PARP3: variants seen among roughly 807,000 people sequenced by gnomAD.
PARP3 encodes the protein poly(ADP-ribose) polymerase family member 3, also known as protein mono-ADP-ribosyltransferase PARP3.
PARP3 carries 46 observed loss-of-function variants against 58.2 expected under a neutral mutation model. The ratio of observed to expected loss-of-function variants is 0.79; its 90% confidence interval spans 0.62 to 1.01. The LOEUF (loss-of-function observed/expected upper bound fraction) is 1.01. PARP3 is among the 50% of genes least tolerant of loss of function. The pLI, the probability that PARP3 is intolerant of heterozygous loss-of-function variation, is 0.00. For missense variants in PARP3, 663 were observed against 683.9 expected (o/e 0.97, Z 0.34); for synonymous variants, 252 against 266.4 (o/e 0.95, Z 0.53).
chr3:51,945,832 C>T, intron 7 of PARP3, 21 bp from the exon 8 acceptor site: 2 of 1,608,708 alleles, frequency 1.2e-6, no homozygotes, highest in Non-Finnish European at 1.7e-6. Context: ...CCCTGGCAAC[C>T]AGCTTCTGCT....
chr3:51,944,571 T>C lies in PARP3; in HGVS notation c.494T>C (p.Val165Ala). The C allele has an allele frequency of 6.2e-7, 1 of 1,613,972 alleles. No individual in the cohort carries two copies. Among genetic ancestry groups the C allele is most frequent in the East Asian group, 2.2e-5 (1 of 44,880 alleles). Residue 165 changes from valine (V) to alanine (A), a missense_variant, in exon 4 of 11, where the codon GTG becomes GCG. Transcript: ENST00000398755. This position sits in a 1 kb window ranked among gnomAD's most constrained non-coding sequence, Gnocchi z 4.2. ...VQAEDEAQEA[V>A]VKVDRGPVRT... is the part of the protein sequence containing the mutation. Reference sequence around the variant, plus strand: ...GCAGAGGATGAGGCCCAGGAAGCTGTGGTGAAGGTGAGATGGCCAAGGAAG... The same window carrying C: ...GCAGAGGATGAGGCCCAGGAAGCTGCGGTGAAGGTGAGATGGCCAAGGAAG...
chr3:51,945,506 C>T lies in PARP3; in HGVS notation c.873C>T (p.Asp291=), dbSNP rs370705194. The change falls in exon 7 of 11, where the codon GAC becomes GAT. Residue 291 remains aspartate (D), a synonymous_variant. Coordinates refer to ENST00000398755, the MANE Select transcript of PARP3 (RefSeq NM_001003931.4). ...GCCCATCATCCTAGGTGCTGGCGGA[C>T]ATCGAGCTGGCCCAGGCCCTGCAGG... ...AKKDMLLVLA[D]IELAQALQAV... 33 of 1,613,414 alleles carry T rather than the reference C, an allele frequency of 2.0e-5. No homozygotes were observed. The highest frequency in any genetic ancestry group is 2.6e-5 in the Non-Finnish European group (31 of 1,179,820).
chr3:51,948,420 G>C lies in PARP3; in HGVS notation c.1542G>C (p.Glu514Asp). 6.2e-7 allele frequency: 1 copy of C among 1,614,188 alleles called. No individual in the cohort carries two copies. Among genetic ancestry groups the C allele is most frequent in the African/African-American group, 1.3e-5 (1 of 75,064 alleles). Reference sequence around the variant, plus strand: ...GCAGCTCCACATTCTCCCAGAGCGAGTACCTCATCTACCAGGAGAGCCAGT... The same window carrying C: ...GCAGCTCCACATTCTCCCAGAGCGACTACCTCATCTACCAGGAGAGCCAGT... ...EFSSSTFSQS[E>D]YLIYQESQCR... Residue 514 changes from glutamate to aspartate, a missense_variant, in exon 11 of 11, where the codon GAG (glutamate) becomes GAC (aspartate). This residue lies in a region of PARP3 where 88 missense variants were observed against 109.1 expected (regional missense o/e 0.81). Transcript: ENST00000398755.
At chr3:51,942,941 G>T in intron 1 of PARP3, 2 of 1,412,170 alleles carry the variant, frequency 1.4e-6, no homozygotes, top group Non-Finnish European at 1.8e-6. Context: ...TCGGTGACTC[G>T]GCCCGGCAAC....
Position 51,948,443 on chromosome 3 carries a change from AGT to A in PARP3, c.1568_1569del (p.Cys523SerfsTer61). On this transcript the variant is annotated frameshift_variant, in exon 11 of 11. Coordinates refer to ENST00000398755, the MANE Select transcript of PARP3 (RefSeq NM_001003931.4). LOFTEE classifies it high-confidence loss of function. ...GAGTACCTCATCTACCAGGAGAGCC[AGT>A]GTCGCCTGCGCTACCTGCTGGAGGT... 6.2e-7 allele frequency: 1 copy of A among 1,614,164 alleles called. No individual in the cohort carries two copies.
In PARP3 at chr3:51,945,045, C is replaced by A. The variant is rs564192189; in HGVS notation, c.682C>A (p.Arg228=). 2 of 1,614,034 alleles carry A rather than the reference C, an allele frequency of 1.2e-6. No individual in the cohort carries two copies. The highest frequency in any genetic ancestry group is 1.7e-5 in the Admixed American group (1 of 60,028). Residue 228 remains arginine (R), a synonymous_variant, in exon 6 of 11, where the codon CGG becomes AGG. Coordinates refer to ENST00000398755, the MANE Select transcript of PARP3 (RefSeq NM_001003931.4). The stretch of plus-strand genomic sequence containing the variant: ...AAAGCTGAGCAAGCAACAGATTGCA[C>A]GGGGTTTCGAGGCCTTGGAGGCGCT... ...LGKLSKQQIA[R]GFEALEALEE...
At chr3:51,948,283 C>G (rs759501034) in intron 10 of PARP3, 28 bp from the exon 11 acceptor site, 32 of 1,599,454 alleles carry the variant, frequency 2.0e-5, no homozygotes, top group Non-Finnish European at 2.5e-5. Context: ...GACCCCTGGG[C>G]CACCCTGGCC....
Position 51,948,633 on chromosome 3 carries a change from T to TAGGCCTCC in PARP3, c.*154_*155insGGCCTCCA. ...CCATGCTGTACAAGATCCCTGAACT[T>TAGGCCTCC]ATGCCTCCTAACTGAAATTTTGTAT... On this transcript the variant is annotated 3_prime_UTR_variant, in exon 11 of 11. Transcript: ENST00000398755. 1.5e-6 allele frequency: 1 copy of TAGGCCTCC among 675,954 alleles called. No homozygotes were observed. The allele number at this position is 675,954 out of a possible 1,614,324, so 41.9% of individuals were successfully genotyped here.
In PARP3 at chr3:51,942,722, G is replaced by T; in HGVS notation, c.-3+14G>T. 1 of 1,556,062 alleles carries T rather than the reference G, an allele frequency of 6.4e-7. No individual in the cohort carries two copies. The highest frequency in any genetic ancestry group is 1.2e-5 in the South Asian group (1 of 84,300). On this transcript the variant is annotated intron_variant, in intron 1 of 10. Coordinates refer to ENST00000398755, the MANE Select transcript of PARP3 (RefSeq NM_001003931.4). Reference sequence around the variant, plus strand: ...TGCTTTTCTTGGGTGAGTGTCCTATGGTCCTGCCCACGGCAGGGCAGGGCA... The same window carrying T: ...TGCTTTTCTTGGGTGAGTGTCCTATTGTCCTGCCCACGGCAGGGCAGGGCA...
Position 51,944,180 on chromosome 3 carries a change from A to T in PARP3, c.275A>T (p.Asn92Ile). The T allele has an allele frequency of 6.2e-7, 1 of 1,613,960 alleles. No homozygotes were observed. The highest frequency in any genetic ancestry group is 1.3e-5 in the African/African-American group (1 of 74,976). The change falls in exon 3 of 11, where the codon AAC (asparagine) becomes ATC (isoleucine). Residue 92 changes from asparagine to isoleucine, a missense_variant. Physicochemically the swap from Asn to Ile is moderately radical, Grantham distance 149. Around this residue, in one of 3 missense-constraint regions of PARP3, gnomAD observed 567 missense variants for 553.6 expected, o/e 1.02. Transcript: ENST00000398755. The surrounding 1 kb of genome is among the most constrained non-coding windows in gnomAD (Gnocchi z 4.2). ...ATCATCCAGCTGCTCCAAGACAGCA[A>T]CCGCTTCTTCACCTGCTGGAACCGC... ...FYIIQLLQDSNRFFTCWNRWG... is the reference protein window; with the variant it reads ...FYIIQLLQDSIRFFTCWNRWG...
At position 51,942,382 on chromosome 3, in the gene PARP3, C is replaced by A. The variant is rs1275483296; in HGVS notation, c.-329C>A. On this transcript the variant is annotated 5_prime_UTR_variant, in exon 1 of 11. Transcript: ENST00000398755. ...AAGGTCACCGCGCGACCGGCAGATG[C>A]GTGCTGCAGGCCCCGGCCACATGAG... 1.9e-6 allele frequency: 1 copy of A among 536,186 alleles called. No individual in the cohort carries two copies. Among genetic ancestry groups the A allele is most frequent in the Non-Finnish European group, 3.4e-6 (1 of 296,208 alleles). 33.2% of individuals were successfully genotyped at this position (536,186 alleles called of 1,614,324 possible). A position where few individuals can be genotyped will look rare whatever the true frequency, so the allele number is the denominator to read the frequency against.
intron 9 of PARP3, among the ~76,000 whole-genome samples, chr3:51,947,204 C>G (rs1350908272): frequency 3.9e-5 from 6 of 152,142 alleles, no homozygotes; most frequent in Non-Finnish European, 1.5e-5. Context: ...CAAAATGACC[C>G]CCCCAGACCA....
At chr3:51,943,130 A>G in intron 1 of PARP3, 2 of 1,060,186 alleles carry the variant, frequency 1.9e-6, no homozygotes, top group East Asian at 2.7e-5. Flanking sequence ...TGCACTTGGG[A>G]CTGGGGAAAG....
At position 51,946,221 on chromosome 3, in the gene PARP3, GC is replaced by G; in HGVS notation, c.1155del (p.Thr386ProfsTer44). The G allele has an allele frequency of 1.2e-6, 2 of 1,613,444 alleles. No individual in the cohort carries two copies. Among genetic ancestry groups the G allele is most frequent in the Non-Finnish European group, 1.7e-6 (2 of 1,179,602 alleles). On this transcript the variant is annotated frameshift_variant, in exon 9 of 11. Transcript: ENST00000398755. LOFTEE classifies it high-confidence loss of function. This position sits in a 1 kb window ranked among gnomAD's most constrained non-coding sequence, Gnocchi z 4.6. ...GGTAATCGGAAGCTGCTGTGGCATG[GC>G]ACCAACATGGCCGTGGTGGCCGCCA... ...KLGNRKLLWHGTNMAVVAAIL... is the reference protein window; with the variant it reads ...KLGNRKLLWHXTNMAVVAAIL...
Position 51,945,203 on chromosome 3 carries a change from G to A in PARP3, c.840G>A (p.Gln280=), listed in dbSNP as rs373954134. 6.8e-6 allele frequency: 11 copies of A among 1,613,900 alleles called. No homozygotes were observed. Among genetic ancestry groups the A allele is most frequent in the Non-Finnish European group, 9.3e-6 (11 of 1,180,008 alleles). The change falls in exon 6 of 11, where the codon CAG becomes CAA. Residue 280 remains glutamine (Q), a synonymous_variant. Transcript: ENST00000398755. ...CCATCAATTCCCCTGAGCTTCTGCAGGCCAAGAAGGACATGCTGCTGGTGA... is the reference window on the plus strand; with the variant it reads ...CCATCAATTCCCCTGAGCTTCTGCAAGCCAAGAAGGACATGCTGCTGGTGA... ...PPPINSPELL[Q]AKKDMLLVLA...
chr3:51,944,600 G>A lies in PARP3; in HGVS notation c.501+22G>A. The A allele has an allele frequency of 2.5e-6, 4 of 1,612,658 alleles. No individual in the cohort carries two copies. Among genetic ancestry groups the A allele is most frequent in the Non-Finnish European group, 3.4e-6 (4 of 1,178,876 alleles). Reference sequence around the variant, plus strand: ...GAAGGTGAGATGGCCAAGGAAGGTGGGCAGGCCCTGGACTGAGGGAGGGGA... The same window carrying A: ...GAAGGTGAGATGGCCAAGGAAGGTGAGCAGGCCCTGGACTGAGGGAGGGGA... On this transcript the variant is annotated intron_variant, in intron 4 of 10. Coordinates refer to ENST00000398755, the MANE Select transcript of PARP3 (RefSeq NM_001003931.4). This position sits in a 1 kb window ranked among gnomAD's most constrained non-coding sequence, Gnocchi z 4.2.
rs1001632740 is a variant in PARP3, at chr3:51,948,810, T to C, written c.*330T>C. On this transcript the variant is annotated 3_prime_UTR_variant, in exon 11 of 11. Transcript: ENST00000398755. ...TGTGCCTGGCTTATTTCACTCAGCA[T>C]AATGTGCACCGGGTTCACCCATGTT... 2 of 311,442 alleles carry C rather than the reference T, an allele frequency of 6.4e-6. No homozygotes were observed. Among genetic ancestry groups the C allele is most frequent in the Admixed American group, 9.6e-5 (2 of 20,762 alleles). 19.3% of individuals were successfully genotyped at this position (311,442 alleles called of 1,614,324 possible).
At chr3:51,943,973 G>T (rs929267665) in intron 2 of PARP3, 116 bp from the exon 3 acceptor site, 6 of 932,622 alleles carry the variant, frequency 6.4e-6, no homozygotes, top group East Asian at 2.4e-5. Context: ...CCAAGACAGG[G>T]TCCCTCTGAC....
chr3:51,945,765 T>C lies in PARP3; in HGVS notation c.1012-88T>C, dbSNP rs964075010. 2.2e-5 allele frequency: 34 copies of C among 1,523,282 alleles called. 1 individual carries two copies. The African/African-American group carries it at 3.0e-4, about 13-fold the overall frequency. 94.4% of individuals were successfully genotyped at this position (1,523,282 alleles called of 1,614,324 possible). A position where few individuals can be genotyped will look rare whatever the true frequency, so the allele number is the denominator to read the frequency against. On this transcript the variant is annotated intron_variant, in intron 7 of 10. Transcript: ENST00000398755. ...CTTCTCTTCCTGTGTCTCCAGGGCCTGAGGAGGGCTTGGGACTGGGGGAAG... is the reference window on the plus strand; with the variant it reads ...CTTCTCTTCCTGTGTCTCCAGGGCCCGAGGAGGGCTTGGGACTGGGGGAAG...
Sources: allele counts gnomAD v4.1 joint callset (sites outside exome capture counted in the v4.1 genomes callset), GRCh38; gene constraint gnomAD v4.1.1; regional missense constraint gnomAD v4.1.1; non-coding constraint Gnocchi (gnomAD v3.1); transcripts MANE v1.5; gene names NCBI Gene and HGNC (gene_info 2026-07-23, HGNC 2026-07-21).